STOX1: variants seen among roughly 807,000 people sequenced by gnomAD.
STOX1 encodes storkhead box 1, also known as storkhead-box protein 1.
In STOX1, 57 loss-of-function variants were observed where a neutral mutation model predicts 74.8. That is an observed-to-expected ratio of 0.76 (90% CI 0.62 to 0.95). The LOEUF (loss-of-function observed/expected upper bound fraction) is 0.95. STOX1 is among the 40% of genes least tolerant of loss of function. STOX1 has a pLI of 0.00. For missense variants in STOX1, 1,010 were observed against 1,117.0 expected (o/e 0.90, Z 1.37); for synonymous variants, 375 against 401.3 (o/e 0.93, Z 0.78).
At chr10:68,859,194 G>T (rs564775064) in intron 1 of STOX1, among the ~76,000 whole-genome samples, 31 of 152,106 alleles carry the variant, frequency 2.0e-4, no homozygotes, top group Non-Finnish European at 3.5e-4. Context: ...GTGGCTTATT[G>T]TCTCCATTTC....
intron 1 of STOX1, chr10:68,828,204 T>C (rs1182922256): frequency 9.8e-5 from 90 of 922,472 alleles, no homozygotes; most frequent in Non-Finnish European, 1.2e-4. Context: ...TGCCTGCAGG[T>C]GCTGCGCGAT....
Position 68,885,096 on chromosome 10 carries a change from A to G in STOX1, c.1300A>G (p.Lys434Glu). 2 of 1,613,296 alleles carry G rather than the reference A, an allele frequency of 1.2e-6. No homozygotes were observed. Among genetic ancestry groups the G allele is most frequent in the East Asian group, 4.5e-5 (2 of 44,880 alleles). ...GGGCCATTCTCGAAGGGATAGACAC[A>G]AAGCCAGGAATCAGGGAAGTGAGTT... Reference protein sequence around the residue: ...GQGHSRRDRHKARNQGSEFQP... With the variant: ...GQGHSRRDRHEARNQGSEFQP... Residue 434 changes from lysine to glutamate, a missense_variant, in exon 3 of 4, where the codon AAA becomes GAA. Physicochemically the swap from Lys to Glu is moderately conservative, Grantham distance 56. Coordinates refer to ENST00000298596, the MANE Select transcript of STOX1 (RefSeq NM_152709.5).
intron 1 of STOX1, among the ~76,000 whole-genome samples, chr10:68,877,636 A>G (rs1435907454): frequency 6.6e-6 from 1 of 152,194 alleles, no homozygotes; most frequent in African/African-American, 2.4e-5. Flanking sequence ...CATAGTGGAG[A>G]CAGCCCTACT....
chr10:68,852,776 C>T (rs1445148166), intron 1 of STOX1, among the ~76,000 whole-genome samples: 2 of 150,876 alleles, frequency 1.3e-5, no homozygotes, highest in Non-Finnish European at 2.9e-5. Context: ...GAGTCTCGCT[C>T]TGTCACTCAG....
intron 1 of STOX1, among the ~76,000 whole-genome samples, chr10:68,872,026 A>AGT (rs1215713513): frequency 6.6e-6 from 1 of 152,098 alleles, no homozygotes; most frequent in Non-Finnish European, 1.5e-5. Context: ...ATTAAACTTG[A>AGT]GTGTACCTGC....
intron 1 of STOX1, among the ~76,000 whole-genome samples, chr10:68,828,814 C>G (rs1161257980): frequency 6.6e-6 from 1 of 152,172 alleles, no homozygotes; most frequent in Non-Finnish European, 1.5e-5. Context: ...TTGGGGAAAA[C>G]AAGTAGCGTC....
At chr10:68,830,499 T>C (rs1839378134) in intron 1 of STOX1, among the ~76,000 whole-genome samples, 1 of 151,932 alleles carries the variant, frequency 6.6e-6, no homozygotes. Flanking sequence ...CCCGCCACCT[T>C]ACCTGGCTAA....
chr10:68,881,812 T>G, intron 1 of STOX1, 146 bp from the exon 2 acceptor site: 6 of 888,466 alleles, frequency 6.8e-6, no homozygotes, highest in Non-Finnish European at 1.1e-5. Flanking sequence ...ATTGTACATG[T>G]CATGTTAACA....
In STOX1 at chr10:68,886,126, G is replaced by A. The variant is rs527340506; in HGVS notation, c.2330G>A (p.Arg777Lys). 5.6e-6 allele frequency: 9 copies of A among 1,614,186 alleles called. No individual in the cohort carries two copies. The highest frequency in any genetic ancestry group is 1.3e-5 in the African/African-American group (1 of 75,046). ...TTAGGAAAACAAAAAGTGATTGAGA[G>A]ATCTCTGACCGAGTACAACAGCACA... ...NHLGKQKVIE[R>K]SLTEYNSTME... Residue 777 changes from arginine (R) to lysine (K), a missense_variant, in exon 3 of 4, where the codon AGA (arginine) becomes AAA (lysine). Physicochemically the swap from Arg to Lys is conservative, Grantham distance 26. Transcript: ENST00000298596.
chr10:68,844,548 C>G (rs1310455896), intron 1 of STOX1, among the ~76,000 whole-genome samples: 1 of 152,102 alleles, frequency 6.6e-6, no homozygotes, highest in Non-Finnish European at 1.5e-5. Flanking sequence ...ATCCACTGGC[C>G]TCAGCCTCCC....
chr10:68,883,695 T>G (rs997553097), intron 2 of STOX1, among the ~76,000 whole-genome samples: 6 of 151,310 alleles, frequency 4.0e-5, no homozygotes, highest in Non-Finnish European at 8.8e-5. Flanking sequence ...ATTACAGGTG[T>G]GAGCCACCAT....
chr10:68,828,676 C>T (rs1327600876), intron 1 of STOX1, among the ~76,000 whole-genome samples: 2 of 152,152 alleles, frequency 1.3e-5, no homozygotes, highest in East Asian at 3.9e-4. Context: ...CAGAGTTTAC[C>T]ATATCTGGCA....
At chr10:68,892,312 T>C (rs1841117578) in intron 3 of STOX1, among the ~76,000 whole-genome samples, 2 of 152,112 alleles carry the variant, frequency 1.3e-5, no homozygotes, top group South Asian at 4.2e-4. Flanking sequence ...GAACTTACTG[T>C]TTCTGACTAG....
In STOX1 at chr10:68,886,072, C is replaced by T; in HGVS notation, c.2276C>T (p.Ser759Phe). The T allele has an allele frequency of 6.2e-7, 1 of 1,614,146 alleles. No individual in the cohort carries two copies. The highest frequency in any genetic ancestry group is 1.6e-4 in the Middle Eastern group (1 of 6,062). The part of the protein sequence containing the change: ...RQMLPGHSQY[S>F]FTGGSQGNHL... ...ATGCTGCCTGGCCACAGTCAGTATT[C>T]CTTCACAGGTGGAAGCCAGGGAAAT... The change falls in exon 3 of 4, where the codon TCC becomes TTC. Residue 759 changes from serine (S) to phenylalanine (F), a missense_variant. By Grantham distance (155) the Ser-to-Phe change is radical. Transcript: ENST00000298596.
chr10:68,875,721 A>G (rs1415362195), intron 1 of STOX1, among the ~76,000 whole-genome samples: 1 of 152,002 alleles, frequency 6.6e-6, no homozygotes, highest in East Asian at 1.9e-4. Context: ...ATTGTCACCA[A>G]CTCCAAGAGC....
rs778732279 is a variant in STOX1 at position 68,884,675 on chromosome 10, TGA to T, written c.883_884del (p.Ser295HisfsTer10). On this transcript the variant is annotated frameshift_variant, in exon 3 of 4. Coordinates refer to ENST00000298596, the MANE Select transcript of STOX1 (RefSeq NM_152709.5). LOFTEE classifies it high-confidence loss of function. ...CAGTGTCTGCGGAGCACCACATTTG[TGA>T]GAGCACCAAACCTTTACCATACACA... Reference protein sequence around the residue: ...VSVSAEHHICESTKPLPYTRD... With the variant: ...VSVSAEHHICXSTKPLPYTRD... The T allele has an allele frequency of 2.5e-6, 4 of 1,614,160 alleles. No individual in the cohort carries two copies. The highest frequency in any genetic ancestry group is 3.4e-6 in the Non-Finnish European group (4 of 1,180,036).
At position 68,885,206 on chromosome 10, in the gene STOX1, G is replaced by T. The variant is rs1840912803; in HGVS notation, c.1410G>T (p.Met470Ile). 1 of 1,614,122 alleles carries T rather than the reference G, an allele frequency of 6.2e-7. No homozygotes were observed. The highest frequency in any genetic ancestry group is 8.5e-7 in the Non-Finnish European group (1 of 1,180,024). ...PIPRIKSPNE[M>I]VGQKPLGEIT... ...CCAGAATTAAAAGCCCAAATGAAAT[G>T]GTAGGTCAGAAACCACTTGGTGAGA... Residue 470 changes from methionine (M) to isoleucine (I), a missense_variant, in exon 3 of 4, where the codon ATG becomes ATT. Physicochemically the swap from Met to Ile is conservative, Grantham distance 10 (BLOSUM62 1). Coordinates refer to ENST00000298596, the MANE Select transcript of STOX1 (RefSeq NM_152709.5).
chr10:68,867,093 C>T (rs374436097), intron 1 of STOX1, among the ~76,000 whole-genome samples: 152 of 151,964 alleles, frequency 1.0e-3, no homozygotes, highest in African/African-American at 3.4e-3. Context: ...TACAGGCGCC[C>T]GCCACCACGC....
chr10:68,859,336 A>C (rs1840204896), intron 1 of STOX1, among the ~76,000 whole-genome samples: 2 of 152,078 alleles, frequency 1.3e-5, no homozygotes, highest in Admixed American at 1.3e-4. Flanking sequence ...TGATTTCTGC[A>C]TGCTGTAAGG....
Sources: allele counts gnomAD v4.1 joint callset (sites outside exome capture counted in the v4.1 genomes callset), GRCh38; gene constraint gnomAD v4.1.1; transcripts MANE v1.5; gene names NCBI Gene and HGNC (gene_info 2026-07-23, HGNC 2026-07-21).